SLC7A14: variants seen among roughly 807,000 people sequenced by gnomAD.
SLC7A14 encodes the protein gamma-aminobutyric acid transporter SLC7A14.
SLC7A14 carries 37 observed loss-of-function variants against 60.2 expected under a neutral mutation model. The observed-to-expected ratio is 0.61, with a 90% CI of 0.47 to 0.81. SLC7A14 has a LOEUF of 0.81. Ranked by LOEUF, SLC7A14 falls within the 30% of genes least tolerant of loss-of-function variation. The pLI is 0.00. For synonymous variants in SLC7A14, 399 were observed against 395.8 expected, an observed-to-expected ratio of 1.01 and a Z score of -0.10; for missense variants, 886 against 982.7, an observed-to-expected ratio of 0.90 and a Z score of 1.32.
At chr3:170,578,770 A>T (rs1233636940) in intron 1 of SLC7A14, among the ~76,000 whole-genome samples, 1 of 152,212 alleles carries the variant, frequency 6.6e-6, no homozygotes, top group African/African-American at 2.4e-5. Flanking sequence ...ATAATGGATT[A>T]TTCAAGCTCT....
intron 2 of SLC7A14, among the ~76,000 whole-genome samples, chr3:170,513,701 G>A (rs73882030): frequency 6.6e-6 from 1 of 152,322 alleles, no homozygotes; most frequent in African/African-American, 2.4e-5. Flanking sequence ...CACAGGTTGT[G>A]TCCAGGACAA....
chr3:170,537,462 G>T (rs967619138), intron 1 of SLC7A14, among the ~76,000 whole-genome samples: 19 of 152,096 alleles, frequency 1.2e-4, no homozygotes, highest in African/African-American at 4.3e-4. Context: ...CTGAAGATTA[G>T]AACATGGACA....
chr3:170,568,334 T>C (rs1340317081), intron 1 of SLC7A14, among the ~76,000 whole-genome samples: 1 of 152,224 alleles, frequency 6.6e-6, no homozygotes, highest in Admixed American at 6.5e-5. Context: ...TGCGGTGTTA[T>C]TTCTGAGGGC....
At chr3:170,500,752 A>C (rs1712581761) in intron 3 of SLC7A14, among the ~76,000 whole-genome samples, 1 of 152,216 alleles carries the variant, frequency 6.6e-6, no homozygotes. Context: ...TTACATTAAA[A>C]CATAATCCAT....
intron 1 of SLC7A14, among the ~76,000 whole-genome samples, chr3:170,584,770 G>GC (rs1715334731): frequency 6.6e-6 from 1 of 152,148 alleles, no homozygotes; most frequent in Non-Finnish European, 1.5e-5. Context: ...CTTGCCCCCA[G>GC]CGCTCTCCTA....
chr3:170,561,507 T>A (rs193064446), intron 1 of SLC7A14, among the ~76,000 whole-genome samples: 1 of 152,358 alleles, frequency 6.6e-6, no homozygotes, highest in East Asian at 1.9e-4. Context: ...CATATCATTC[T>A]ACGTTTGGGA....
At chr3:170,483,023 A>G (rs1471630356) in intron 6 of SLC7A14, among the ~76,000 whole-genome samples, 1 of 151,980 alleles carries the variant, frequency 6.6e-6, no homozygotes, top group Non-Finnish European at 1.5e-5. Flanking sequence ...CACCCAGTAC[A>G]GCAGTTTGGC....
intron 7 of SLC7A14, among the ~76,000 whole-genome samples, chr3:170,470,127 C>T (rs1161846402): frequency 6.6e-6 from 1 of 152,114 alleles, no homozygotes; most frequent in African/African-American, 2.4e-5. Context: ...AGTGACTTGC[C>T]TGGGTCTGAG....
intron 4 of SLC7A14, chr3:170,496,731 T>G (rs1331106354): frequency 1.3e-6 from 1 of 782,232 alleles, no homozygotes; most frequent in Non-Finnish European, 2.3e-6. Flanking sequence ...TCACAAGCCC[T>G]GGCCTCAGCT....
At chr3:170,523,943 T>C (rs895705970) in intron 2 of SLC7A14, among the ~76,000 whole-genome samples, 3 of 152,160 alleles carry the variant, frequency 2.0e-5, no homozygotes, top group Non-Finnish European at 2.9e-5. Flanking sequence ...AGTTATGATA[T>C]TTTGGTCCTG....
chr3:170,568,192 G>T (rs1337709397), intron 1 of SLC7A14, among the ~76,000 whole-genome samples: 1 of 152,126 alleles, frequency 6.6e-6, no homozygotes, highest in Non-Finnish European at 1.5e-5. Context: ...TGTATAAGGT[G>T]TAAGGAAGGG....
intron 1 of SLC7A14, among the ~76,000 whole-genome samples, chr3:170,544,526 T>C (rs1373687011): frequency 6.6e-6 from 1 of 152,212 alleles, no homozygotes; most frequent in Non-Finnish European, 1.5e-5. Flanking sequence ...AACTGATTTA[T>C]ATGCAGTTCT....
chr3:170,576,918 G>C (rs1283060412), intron 1 of SLC7A14, among the ~76,000 whole-genome samples: 1 of 152,182 alleles, frequency 6.6e-6, no homozygotes, highest in East Asian at 1.9e-4. Flanking sequence ...GAAGAAACCA[G>C]GAGGCCTCTC....
chr3:170,493,776 A>G (rs895448644), intron 4 of SLC7A14, among the ~76,000 whole-genome samples: 1 of 152,236 alleles, frequency 6.6e-6, no homozygotes, highest in Admixed American at 6.5e-5. Flanking sequence ...TAACAGGTCC[A>G]GGCCCATTCA....
Position 170,532,682 on chromosome 3 carries a change from TTTG to T in SLC7A14, c.-152-5597_-152-5595del, listed in dbSNP as rs1356374740. ...GCCCCTGACCAGGTGTTTTTTTTTTTTTGTTGTTGTTGTTCCCTGCTACTGACA... is the reference window on the plus strand; with the variant it reads ...GCCCCTGACCAGGTGTTTTTTTTTTTTTGTTGTTGTTCCCTGCTACTGACA... On this transcript the variant is annotated intron_variant, in intron 1 of 7. Coordinates refer to ENST00000231706, the MANE Select transcript of SLC7A14 (RefSeq NM_020949.3). The surrounding 1 kb of genome is among the most constrained non-coding windows in gnomAD (Gnocchi z 4.0). Among the ~76,000 whole-genome samples the T allele has an allele frequency of 1.3e-5, 2 of 150,768 alleles. No individual in the cohort carries two copies. Among genetic ancestry groups the T allele is most frequent in the African/African-American group, 2.5e-5 (1 of 40,524 alleles).
intron 4 of SLC7A14, chr3:170,495,859 A>G: frequency 8.2e-7 from 1 of 1,222,612 alleles, no homozygotes; most frequent in Non-Finnish European, 1.2e-6. Context: ...TTTGAGAGCT[A>G]CATGAACAAC....
chr3:170,499,093 C>T (rs955639910), intron 3 of SLC7A14, among the ~76,000 whole-genome samples: 4 of 151,474 alleles, frequency 2.6e-5, no homozygotes, highest in Admixed American at 6.6e-5. Flanking sequence ...AAAAATTAGC[C>T]GGGTGTGGTG....
intron 7 of SLC7A14, 86 bp downstream of exon 7, chr3:170,480,203 C>T: frequency 1.4e-6 from 2 of 1,405,206 alleles, no homozygotes; most frequent in Non-Finnish European, 1.9e-6. Context: ...AACGGAGTTG[C>T]CTAGTCCAGC....
intron 7 of SLC7A14, among the ~76,000 whole-genome samples, chr3:170,477,257 G>A (rs776924795): frequency 2.0e-5 from 3 of 152,232 alleles, no homozygotes; most frequent in Non-Finnish European, 4.4e-5. Context: ...CTTCTTGGAG[G>A]TTCAGTTTAG....
Sources: gnomAD v4.1 joint callset for allele counts (sites outside exome capture counted in the v4.1 genomes callset) on GRCh38, gnomAD v4.1.1 for gene constraint, Gnocchi (gnomAD v3.1) non-coding constraint, MANE v1.5 for transcripts, NCBI Gene and HGNC (gene_info 2026-07-23, HGNC 2026-07-21) for gene names.